The following CAPNS1 variants were observed in gnomAD, a reference collection of about 807,000 sequenced individuals.
The protein encoded by CAPNS1 is calpain small subunit 1, also known as CANP small subunit.
A neutral mutation model predicts 39.2 loss-of-function variants in CAPNS1; 32 were observed. The ratio of observed to expected loss-of-function variants is 0.82; its 90% CI spans 0.62 to 1.10. The LOEUF (loss-of-function observed/expected upper bound fraction) is 1.10, where lower values mean the gene tolerates loss of function less well. CAPNS1 is among the 50% of genes least tolerant of loss of function. CAPNS1 has a pLI of 0.00. For synonymous variants in CAPNS1, 153 were observed against 136.2 expected, an observed-to-expected ratio of 1.12 and a Z score of -0.86; for missense variants, 353 against 373.1, an observed-to-expected ratio of 0.95 and a Z score of 0.44.
chr19:36,148,095 A>G (rs1974638281), intron 9 of CAPNS1: 1 of 151,878 alleles, frequency 6.6e-6, no homozygotes, highest in Non-Finnish European at 1.5e-5. Flanking sequence ...AAAAAAAAGA[A>G]AAAAAGATCC....
intron 9 of CAPNS1, 148 bp from the exon 10 acceptor site, chr19:36,149,430 G>A: frequency 3.1e-6 from 2 of 637,688 alleles, no homozygotes; most frequent in Non-Finnish European, 4.8e-6. Context: ...TACCTGGAAA[G>A]CACTTTACCC....
At chr19:36,147,741 G>C (rs1449361823) in intron 9 of CAPNS1, among the ~76,000 whole-genome samples, 1 of 150,904 alleles carries the variant, frequency 6.6e-6, no homozygotes, top group Non-Finnish European at 1.5e-5. Context: ...CTCCAGCCTG[G>C]GTGACAGATC....
intron 6 of CAPNS1, among the ~76,000 whole-genome samples, chr19:36,143,738 C>A (rs1974462668): frequency 6.7e-6 from 1 of 150,022 alleles, no homozygotes; most frequent in South Asian, 2.1e-4. Flanking sequence ...TGGCGGGCGC[C>A]TGTAGTCCCA....
At chr19:36,145,092 A>T (rs1974515502) in intron 6 of CAPNS1, among the ~76,000 whole-genome samples, 1 of 152,178 alleles carries the variant, frequency 6.6e-6, no homozygotes, top group South Asian at 2.1e-4. Flanking sequence ...TGGCTTCCCA[A>T]AGTGCTGGGA....
chr19:36,145,593 G>A (rs1272283276), intron 6 of CAPNS1: 2 of 548,020 alleles, frequency 3.6e-6, no homozygotes, highest in Admixed American at 3.2e-5. Flanking sequence ...TCATGGTTAT[G>A]TTTAAAGAGA....
In CAPNS1 at chr19:36,150,227, G is replaced by A. The variant is rs947090479; in HGVS notation, c.*388G>A. ...CTGCACGCCCTGGCACACCCTTCACGGTTGCTACCCAGGCGGCCAAGCTCC... is the reference window on the plus strand; with the variant it reads ...CTGCACGCCCTGGCACACCCTTCACAGTTGCTACCCAGGCGGCCAAGCTCC... On this transcript the variant is annotated 3_prime_UTR_variant, in exon 11 of 11. Coordinates refer to ENST00000246533, the MANE Select transcript of CAPNS1 (RefSeq NM_001749.4). 2.6e-5 allele frequency: 5 copies of A among 193,840 alleles called. No homozygotes were observed. Among genetic ancestry groups the A allele is most frequent in the Non-Finnish European group, 5.2e-5 (5 of 95,930 alleles). 12.0% of individuals were successfully genotyped at this position (193,840 alleles called of 1,614,324 possible).
At chr19:36,144,604 A>G (rs868799800) in intron 6 of CAPNS1, among the ~76,000 whole-genome samples, 3 of 152,226 alleles carry the variant, frequency 2.0e-5, no homozygotes, top group African/African-American at 7.2e-5. Flanking sequence ...GGCAAGTCTC[A>G]AACTCCAGAC....
In CAPNS1 at chr19:36,150,274, C is replaced by T. The variant is rs574948061; in HGVS notation, c.*435C>T. 1.1e-4 allele frequency: 18 copies of T among 170,556 alleles called. No individual in the cohort carries two copies. The East Asian group carries it at 3.1e-3, about 29-fold the overall frequency. The allele number at this position is 170,556 out of a possible 1,614,324, so 10.6% of individuals were successfully genotyped here. On this transcript the variant is annotated 3_prime_UTR_variant, in exon 11 of 11. Coordinates refer to ENST00000246533, the MANE Select transcript of CAPNS1 (RefSeq NM_001749.4). ...CTCCAGACCGTGCCAGACCCAGGTG[C>T]CCCAGTGCCTTTGTCTATATTCTGC...
intron 3 of CAPNS1, 97 bp from the exon 4 acceptor site, chr19:36,142,555 C>T: frequency 1.1e-6 from 1 of 930,508 alleles, no homozygotes; most frequent in South Asian, 1.4e-5. Context: ...TCAAGCTGCC[C>T]AGCCCACTCT....
chr19:36,147,801 AGTG>A (rs1365890780), intron 9 of CAPNS1, among the ~76,000 whole-genome samples: 1 of 150,276 alleles, frequency 6.7e-6, no homozygotes, highest in Non-Finnish European at 1.5e-5. Context: ...GGCCGGGTGC[AGTG>A]GCTTATGCCT....
chr19:36,148,409 C>T (rs1273528050), intron 9 of CAPNS1: 4 of 149,728 alleles, frequency 2.7e-5, no homozygotes, highest in Non-Finnish European at 5.9e-5. Context: ...CTCAGTTGCT[C>T]GGGAGGCTGA....
At position 36,146,453 on chromosome 19, in the gene CAPNS1, G is replaced by C. The variant is rs141310336; in HGVS notation, c.721+141G>C. 2,272 of 693,776 alleles carry C rather than the reference G, an allele frequency of 3.3e-3. 20 individuals are homozygous for C. Among genetic ancestry groups the C allele is most frequent in the South Asian group, 0.014 (938 of 66,510 alleles). The allele number at this position is 693,776 out of a possible 1,614,324, so 43.0% of individuals were successfully genotyped here. A position where few individuals can be genotyped will look rare whatever the true frequency, so the allele number is the denominator to read the frequency against. ...ATCAGTTCCAGTTTCTGCCCTCATG[G>C]AGCTCACAGTCTGGTGGAGGAGACA... On this transcript the variant is annotated intron_variant, in intron 9 of 10. Transcript: ENST00000246533.
chr19:36,141,706 G>A, intron 2 of CAPNS1: 1 of 656,050 alleles, frequency 1.5e-6, no homozygotes, highest in Non-Finnish European at 1.9e-6. Context: ...GCCCAGAATG[G>A]GCTGGGCTTG....
intron 4 of CAPNS1, 45 bp downstream of exon 4, chr19:36,142,786 C>A (rs1260964197): frequency 1.4e-5 from 22 of 1,591,456 alleles, no homozygotes; most frequent in Non-Finnish European, 1.8e-5. Context: ...CGTTCCATCC[C>A]TTCCCTTGTG....
rs529342514 is a variant in CAPNS1, at chr19:36,146,014, C to T, written c.564C>T (p.Thr188=). ...YKQFDTDRSG[T]ICSSELPGAF... Reference sequence around the variant, plus strand: ...AGTTCGACACTGACCGATCAGGGACCATTTGCAGTAGTGAACTCCCAGGTG... The same window carrying T: ...AGTTCGACACTGACCGATCAGGGACTATTTGCAGTAGTGAACTCCCAGGTG... The change falls in exon 8 of 11, where the codon ACC becomes ACT. Residue 188 remains threonine (T), a synonymous_variant. Coordinates refer to ENST00000246533, the MANE Select transcript of CAPNS1 (RefSeq NM_001749.4). 2 of 1,614,168 alleles carry T rather than the reference C, an allele frequency of 1.2e-6. No homozygotes were observed. The highest frequency in any genetic ancestry group is 2.2e-5 in the South Asian group (2 of 91,056).
rs758316271 is a variant in CAPNS1, at chr19:36,141,146, C to CGGCGGCGGTGGTGGA, written c.147_161dup (p.Gly52_Gly56dup). The CGGCGGCGGTGGTGGA allele has an allele frequency of 8.6e-6, 12 of 1,387,974 alleles. No individual in the cohort carries two copies. Among genetic ancestry groups the CGGCGGCGGTGGTGGA allele is most frequent in the South Asian group, 1.7e-5 (1 of 57,758 alleles). 86.0% of individuals were successfully genotyped at this position (1,387,974 alleles called of 1,614,324 possible). A position where few individuals can be genotyped will look rare whatever the true frequency, so the allele number is the denominator to read the frequency against. On this transcript the variant is annotated inframe_insertion, in exon 2 of 11. Transcript: ENST00000246533. ...GGGGCGGCGGCGGCGGCGGCGGCGGCGGCGGCGGTGGTGGAGGCGGCGGTG... is the reference window on the plus strand; with the variant it reads ...GGGGCGGCGGCGGCGGCGGCGGCGGCGGCGGCGGTGGTGGAGGCGGCGGTGGTGGAGGCGGCGGTG...
chr19:36,142,528 C>G (rs1238096138), intron 3 of CAPNS1, 124 bp from the exon 4 acceptor site: 1 of 767,902 alleles, frequency 1.3e-6, no homozygotes, highest in African/African-American at 1.7e-5. Context: ...CACTACCACC[C>G]CTCATTCTTT....
In CAPNS1 at chr19:36,149,911, C is replaced by T. The variant is rs1331952891; in HGVS notation, c.*72C>T. Reference sequence around the variant, plus strand: ...CCTGGAGCCTCGGTCTCTCCCAGGGCCGATCCTGTCTGCAGTCACATCTTT... The same window carrying T: ...CCTGGAGCCTCGGTCTCTCCCAGGGTCGATCCTGTCTGCAGTCACATCTTT... On this transcript the variant is annotated 3_prime_UTR_variant, in exon 11 of 11. Coordinates refer to ENST00000246533, the MANE Select transcript of CAPNS1 (RefSeq NM_001749.4). 14 of 1,320,030 alleles carry T rather than the reference C, an allele frequency of 1.1e-5. No homozygotes were observed. The highest frequency in any genetic ancestry group is 1.3e-5 in the Non-Finnish European group (13 of 1,006,380). 81.8% of individuals were successfully genotyped at this position (1,320,030 alleles called of 1,614,324 possible).
At position 36,142,592 on chromosome 19, in the gene CAPNS1, T is replaced by G. The variant is rs1382366572; in HGVS notation, c.244-60T>G. 3 of 1,422,172 alleles carry G rather than the reference T, an allele frequency of 2.1e-6. No individual in the cohort carries two copies. In the East Asian group the frequency reaches 6.8e-5, roughly 32 times the overall value. 88.1% of individuals were successfully genotyped at this position (1,422,172 alleles called of 1,614,324 possible). A position where few individuals can be genotyped will look rare whatever the true frequency, so the allele number is the denominator to read the frequency against. Reference sequence around the variant, plus strand: ...ACTTCCCCACCCAGGGTACCTGGGTTTGGGGAGCCGTCCTGGCCGGGTTCC... The same window carrying G: ...ACTTCCCCACCCAGGGTACCTGGGTGTGGGGAGCCGTCCTGGCCGGGTTCC... On this transcript the variant is annotated intron_variant, in intron 3 of 10. Transcript: ENST00000246533.
Sources: gnomAD v4.1 joint callset for allele counts (sites outside exome capture counted in the v4.1 genomes callset) on GRCh38, gnomAD v4.1.1 for gene constraint, MANE v1.5 for transcripts, NCBI Gene and HGNC (gene_info 2026-07-23, HGNC 2026-07-21) for gene names.